The following RNF11 variants were observed in gnomAD, a reference collection of about 807,000 sequenced individuals.
The protein encoded by RNF11 is ring finger protein 11.
A neutral mutation model predicts 15.8 loss-of-function variants in RNF11; 4 were observed. The observed-to-expected ratio is 0.25, with a 90% CI of 0.12 to 0.58. RNF11 has a LOEUF of 0.58. Among genes scored for constraint, RNF11 ranks in the 20% least tolerant of loss-of-function variants. The pLI is 0.91. For synonymous variants in RNF11, 68 were observed against 72.3 expected, an observed-to-expected ratio of 0.94 and a Z score of 0.30; for missense variants, 139 against 194.4, an observed-to-expected ratio of 0.71 and a Z score of 1.70.
At chr1:51,261,603 G>A (rs1172055605) in intron 1 of RNF11, among the ~76,000 whole-genome samples, 1 of 152,088 alleles carries the variant, frequency 6.6e-6, no homozygotes. Context: ...GCAGTGGCAC[G>A]ATCTCAGCTC....
intron 1 of RNF11, among the ~76,000 whole-genome samples, chr1:51,263,958 G>A (rs897191641): frequency 6.6e-6 from 1 of 152,016 alleles, no homozygotes; most frequent in Admixed American, 6.6e-5. Context: ...TCAGTGCTGA[G>A]ATGTGCTTTT....
chr1:51,265,720 A>G lies in RNF11; in HGVS notation c.124-4236A>G, dbSNP rs74736262. On this transcript the variant is annotated intron_variant, in intron 1 of 2. Transcript: ENST00000242719. ...TAGATGATAGTGGAAAAGGGAAGAG[A>G]GGAAGTCAGAGGAATCAGGAAGGAT... Among the ~76,000 whole-genome samples the G allele has an allele frequency of 5.1e-3, 776 of 152,316 alleles. 33 individuals carry two copies. The East Asian group carries it at 0.098, about 19-fold the overall frequency.
chr1:51,264,806 A>G (rs1646947687), intron 1 of RNF11: 1 of 152,152 alleles, frequency 6.6e-6, no homozygotes, highest in Non-Finnish European at 1.5e-5. Flanking sequence ...CATTCCCTAA[A>G]TTGAATCCAA....
At position 51,243,532 on chromosome 1, in the gene RNF11, G is replaced by A. The variant is rs535923264; in HGVS notation, c.123+6653G>A. 1.6e-3 allele frequency among the ~76,000 whole-genome samples: 241 copies of A among 152,194 alleles called. 1 individual carries two copies. The highest frequency in any genetic ancestry group is 2.8e-3 in the African/African-American group (116 of 41,524). On this transcript the variant is annotated intron_variant, in intron 1 of 2. Transcript: ENST00000242719. ...CAGCTCACTGCAGCCTCCGCCTCCC[G>A]GGTCCGAGCAATTCTCCTGCCTCAG...
At chr1:51,268,601 T>C (rs568628746) in intron 1 of RNF11, among the ~76,000 whole-genome samples, 5 of 152,314 alleles carry the variant, frequency 3.3e-5, no homozygotes, top group Non-Finnish European at 5.9e-5. Flanking sequence ...TAAAACAATT[T>C]AGTTATTTTT....
chr1:51,248,279 C>T (rs919436954), intron 1 of RNF11, among the ~76,000 whole-genome samples: 30 of 150,548 alleles, frequency 2.0e-4, no homozygotes, highest in Non-Finnish European at 3.8e-4. Context: ...ACGATCTTGG[C>T]TCATTGCAAC....
chr1:51,265,530 A>G (rs1646950902), intron 1 of RNF11, among the ~76,000 whole-genome samples: 1 of 152,180 alleles, frequency 6.6e-6, no homozygotes, highest in African/African-American at 2.4e-5. Context: ...ATGCAGACAT[A>G]TGGAGAACTA....
chr1:51,243,014 A>G (rs1176403109), intron 1 of RNF11, among the ~76,000 whole-genome samples: 1 of 152,150 alleles, frequency 6.6e-6, no homozygotes, highest in African/African-American at 2.4e-5. Flanking sequence ...AACTAACTCC[A>G]CCTTTGTTAA....
intron 1 of RNF11, among the ~76,000 whole-genome samples, chr1:51,237,680 G>T (rs1191150096): frequency 6.6e-6 from 1 of 152,026 alleles, no homozygotes; most frequent in Non-Finnish European, 1.5e-5. Flanking sequence ...CAGATGTGTT[G>T]CAGAATTCGA....
At chr1:51,251,565 CATG>C in intron 1 of RNF11, 1 of 562,548 alleles carries the variant, frequency 1.8e-6, no homozygotes. Context: ...TAAGGTATGT[CATG>C]ATGGATGCAT....
intron 1 of RNF11, among the ~76,000 whole-genome samples, chr1:51,257,291 C>G (rs954442257): frequency 1.3e-5 from 2 of 152,178 alleles, no homozygotes; most frequent in African/African-American, 4.8e-5. Flanking sequence ...GAGCAGAATG[C>G]TCTGGCATAT....
rs1646978278 is a variant in RNF11 at position 51,271,448 on chromosome 1, G to A, written c.*126G>A. On this transcript the variant is annotated 3_prime_UTR_variant, in exon 3 of 3. Coordinates refer to ENST00000242719, the MANE Select transcript of RNF11 (RefSeq NM_014372.5). The stretch of plus-strand genomic sequence containing the variant: ...CACAAAAGTTTCCTTAAAATTCCTG[G>A]ATGGCTGCAGATGTTGGGGGAAAAA... The A allele has an allele frequency of 1.5e-6, 1 of 676,556 alleles. No homozygotes were observed. Among genetic ancestry groups the A allele is most frequent in the Non-Finnish European group, 2.4e-6 (1 of 423,870 alleles). 41.9% of individuals were successfully genotyped at this position (676,556 alleles called of 1,614,324 possible).
At chr1:51,237,269 C>T (rs1569645819) in intron 1 of RNF11, among the ~76,000 whole-genome samples, 3 of 151,834 alleles carry the variant, frequency 2.0e-5, no homozygotes, top group African/African-American at 7.3e-5. Flanking sequence ...AGCACCACCC[C>T]CCCGCCCCAT....
At chr1:51,246,414 A>G (rs1646851813) in intron 1 of RNF11, among the ~76,000 whole-genome samples, 1 of 151,928 alleles carries the variant, frequency 6.6e-6, no homozygotes, top group African/African-American at 2.4e-5. Context: ...GTCTCTACAA[A>G]AAAATAAAAA....
intron 1 of RNF11, among the ~76,000 whole-genome samples, chr1:51,257,606 C>T (rs72898408): frequency 0.021 from 3,193 of 152,040 alleles, 94 homozygotes; most frequent in African/African-American, 0.065. Flanking sequence ...TACAGATGTA[C>T]ACCACCATGC....
intron 1 of RNF11, among the ~76,000 whole-genome samples, chr1:51,256,210 G>T (rs150605060): frequency 5.3e-5 from 8 of 152,052 alleles, no homozygotes; most frequent in Non-Finnish European, 8.8e-5. Flanking sequence ...AAAATTTTCC[G>T]TGTTCCATCT....
At chr1:51,247,231 G>A (rs1168790823) in intron 1 of RNF11, among the ~76,000 whole-genome samples, 1 of 151,718 alleles carries the variant, frequency 6.6e-6, no homozygotes, top group Admixed American at 6.6e-5. Context: ...TAGAGACGGG[G>A]TTTCACCTTG....
chr1:51,272,290 T>G lies in RNF11; in HGVS notation c.*968T>G, dbSNP rs1206163856. On this transcript the variant is annotated 3_prime_UTR_variant, in exon 3 of 3. Coordinates refer to ENST00000242719, the MANE Select transcript of RNF11 (RefSeq NM_014372.5). ...TTGATTTATTCTCTTTCTTCTGACCTCCTTGCCTCTTGTCTTGAACCATAG... is the reference window on the plus strand; with the variant it reads ...TTGATTTATTCTCTTTCTTCTGACCGCCTTGCCTCTTGTCTTGAACCATAG... 1 of 152,638 alleles carries G rather than the reference T, an allele frequency of 6.6e-6. No individual in the cohort carries two copies. Among genetic ancestry groups the G allele is most frequent in the Non-Finnish European group, 1.5e-5 (1 of 68,026 alleles). 9.5% of individuals were successfully genotyped at this position (152,638 alleles called of 1,614,324 possible).
At chr1:51,239,074 C>T (rs974219290) in intron 1 of RNF11, among the ~76,000 whole-genome samples, 2 of 151,956 alleles carry the variant, frequency 1.3e-5, no homozygotes, top group African/African-American at 2.4e-5. Flanking sequence ...ACCCTCACCC[C>T]CTTCTATTTT....
Sources: gnomAD v4.1 joint callset for allele counts (sites outside exome capture counted in the v4.1 genomes callset) on GRCh38, gnomAD v4.1.1 for gene constraint, MANE v1.5 for transcripts, NCBI Gene and HGNC (gene_info 2026-07-23, HGNC 2026-07-21) for gene names.